CLNK: variants seen among roughly 807,000 people sequenced by gnomAD.
CLNK encodes cytokine dependent hematopoietic cell linker, also known as cytokine-dependent hematopoietic cell linker.
Under a neutral mutation model 68.6 loss-of-function variants are expected in CLNK, and 74 were observed. That is an observed-to-expected ratio of 1.08 (90% CI 0.89 to 1.31). The LOEUF (loss-of-function observed/expected upper bound fraction) is 1.31. CLNK is among the 50% of genes most tolerant of loss of function. The probability of loss-of-function intolerance (pLI) is 0.00; values close to 1 mark genes in which losing one functional copy is unlikely to be tolerated. For synonymous variants in CLNK, 198 were observed against 172.2 expected (o/e 1.15, Z -1.17); for missense variants, 553 against 515.3 (o/e 1.07, Z -0.71).
chr4:10,600,824 T>C (rs1159923504), intron 2 of CLNK, among the ~76,000 whole-genome samples: 1 of 152,238 alleles, frequency 6.6e-6, no homozygotes, highest in East Asian at 1.9e-4. Flanking sequence ...ACTTTCATCA[T>C]GTCTCTAGGT....
chr4:10,525,126 G>A (rs1270726069), intron 14 of CLNK, among the ~76,000 whole-genome samples: 1 of 152,000 alleles, frequency 6.6e-6, no homozygotes, highest in Non-Finnish European at 1.5e-5. Context: ...GTGCAGTGGC[G>A]CCATCTTGGC....
intron 5 of CLNK, among the ~76,000 whole-genome samples, chr4:10,569,463 G>A (rs919338689): frequency 5.3e-5 from 8 of 152,064 alleles, no homozygotes; most frequent in African/African-American, 1.4e-4. Context: ...GATAGTTCTC[G>A]CCAACCCTAC....
intron 1 of CLNK, among the ~76,000 whole-genome samples, chr4:10,674,903 G>C (rs1156855053): frequency 6.6e-6 from 1 of 151,930 alleles, no homozygotes; most frequent in Non-Finnish European, 1.5e-5. Flanking sequence ...ATGGCCTCCA[G>C]CTTCATCCGT....
intron 10 of CLNK, 84 bp downstream of exon 10, chr4:10,541,938 A>G (rs1719048597): frequency 9.6e-7 from 1 of 1,038,250 alleles, no homozygotes. Context: ...TTCAATGTCA[A>G]ATGTTTGTGT....
intron 2 of CLNK, among the ~76,000 whole-genome samples, chr4:10,656,331 C>CAAAAA (rs33941894): frequency 3.4e-5 from 3 of 89,424 alleles, no homozygotes; most frequent in Middle Eastern, 6.3e-3. Context: ...AATGCCTGAC[C>CAAAAA]AAAAAAAAAA....
intron 2 of CLNK, among the ~76,000 whole-genome samples, chr4:10,603,006 G>A (rs970320153): frequency 1.3e-5 from 2 of 152,158 alleles, no homozygotes; most frequent in South Asian, 4.1e-4. Flanking sequence ...TCCCATCTTA[G>A]TTATTCCCCT....
chr4:10,719,515 G>T, the CLNK span, among the ~76,000 whole-genome samples: 1 of 152,002 alleles, frequency 6.6e-6, no homozygotes, highest in African/African-American at 2.4e-5. Flanking sequence ...AGACTTAACT[G>T]TCCTAAATGT....
intron 4 of CLNK, among the ~76,000 whole-genome samples, chr4:10,573,985 C>T (rs1720451702): frequency 6.6e-6 from 1 of 152,220 alleles, no homozygotes; most frequent in Admixed American, 6.5e-5. Context: ...CATATGTTTT[C>T]TGTCTCACTC....
chr4:10,562,186 G>A (rs1195572074), intron 7 of CLNK, among the ~76,000 whole-genome samples: 2 of 141,116 alleles, frequency 1.4e-5, no homozygotes, highest in South Asian at 2.3e-4. Flanking sequence ...CTGCAGCCTC[G>A]ACCTCCCAGG....
intron 1 of CLNK, among the ~76,000 whole-genome samples, chr4:10,678,857 T>C (rs1270440372): frequency 2.6e-5 from 4 of 152,014 alleles, no homozygotes; most frequent in Non-Finnish European, 5.9e-5. Flanking sequence ...CTCAATGAAA[T>C]AAAAGAGTAT....
intron 18 of CLNK, among the ~76,000 whole-genome samples, chr4:10,499,096 A>T (rs879908971): frequency 1.3e-4 from 20 of 150,876 alleles, no homozygotes; most frequent in Admixed American, 3.3e-4. Flanking sequence ...TGGAAAGAGG[A>T]CTAACTTTTT....
At chr4:10,631,398 T>C (rs930075063) in intron 2 of CLNK, among the ~76,000 whole-genome samples, 3 of 152,244 alleles carry the variant, frequency 2.0e-5, no homozygotes, top group Admixed American at 6.5e-5. Context: ...GAGGAAATAT[T>C]GCCTTTGCCC....
chr4:10,699,510 ATAT>A, the CLNK span, among the ~76,000 whole-genome samples: 4 of 19,470 alleles, frequency 2.1e-4, no homozygotes, highest in African/African-American at 6.4e-4. Context: ...ATATATATAT[ATAT>A]TTTTTTTTTT....
At chr4:10,670,548 C>A (rs1296379534) in intron 1 of CLNK, among the ~76,000 whole-genome samples, 1 of 152,212 alleles carries the variant, frequency 6.6e-6, no homozygotes, top group African/African-American at 2.4e-5. Context: ...AGAGTTCTGG[C>A]AAGGTGGCCA....
Position 10,605,282 on chromosome 4 carries a change from T to C in CLNK, c.12-7233A>G, listed in dbSNP as rs543459785. ...TATGTATATACAGTGACACATCGCT[T>C]AATGACGGGAATGTGTTCTGGGAAG... On this transcript the variant is annotated intron_variant, in intron 2 of 18. Coordinates refer to ENST00000226951, the MANE Select transcript of CLNK (RefSeq NM_052964.4). Among the ~76,000 whole-genome samples, 19 of 152,280 alleles carry C rather than the reference T, an allele frequency of 1.2e-4. No homozygotes were observed. The South Asian group carries it at 3.7e-3, about 30-fold the overall frequency.
chr4:10,616,830 ATT>A (rs5856066), intron 2 of CLNK, among the ~76,000 whole-genome samples: 1 of 145,392 alleles, frequency 6.9e-6, no homozygotes, highest in East Asian at 2.0e-4. Context: ...ATATACACGC[ATT>A]TTTTTTTCTA....
At chr4:10,546,149 G>A (rs556939617) in intron 8 of CLNK, among the ~76,000 whole-genome samples, 3 of 152,254 alleles carry the variant, frequency 2.0e-5, no homozygotes, top group Admixed American at 1.3e-4. Context: ...TTAGCAAATG[G>A]TCACTGGGAT....
At chr4:10,714,243 A>G in the CLNK span, among the ~76,000 whole-genome samples, 3 of 152,238 alleles carry the variant, frequency 2.0e-5, no homozygotes, top group Non-Finnish European at 2.9e-5. Flanking sequence ...AACATTTTAC[A>G]CAGTAAAGCA....
intron 14 of CLNK, among the ~76,000 whole-genome samples, chr4:10,522,075 G>A (rs898589200): frequency 2.0e-5 from 3 of 151,888 alleles, no homozygotes; most frequent in Middle Eastern, 3.2e-3. Context: ...TGGCTAACAC[G>A]GTGAAATCCC....
Sources: gnomAD v4.1 joint callset for allele counts (sites outside exome capture counted in the v4.1 genomes callset) on GRCh38, gnomAD v4.1.1 for gene constraint, MANE v1.5 for transcripts, NCBI Gene and HGNC (gene_info 2026-07-23, HGNC 2026-07-21) for gene names.